The following PTPN9 variants were observed in gnomAD, a reference collection of about 807,000 sequenced individuals.
PTPN9 encodes the protein protein tyrosine phosphatase non-receptor type 9.
Under a neutral mutation model 69.8 loss-of-function variants are expected in PTPN9, and 26 were observed. That is an observed-to-expected ratio of 0.37 (90% confidence interval 0.27 to 0.52). The LOEUF (loss-of-function observed/expected upper bound fraction) is 0.52, where lower values mean the gene tolerates loss of function less well. PTPN9 is among the 20% of genes least tolerant of loss of function. PTPN9 has a pLI of 0.91. For missense variants in PTPN9, 549 were observed against 740.3 expected (o/e 0.74, Z 3.00); for synonymous variants, 274 against 272.5 (o/e 1.01, Z -0.05).
rs989723482 is a variant in PTPN9 at position 75,468,589 on chromosome 15, C to T, written c.*180G>A. The stretch of plus-strand genomic sequence containing the variant: ...CATTGCTACTGGCCCTTTCTAGTGG[C>T]AATTTCACCACATTTATCTAGCCAA... On this transcript the variant is annotated 3_prime_UTR_variant, in exon 13 of 13. Coordinates refer to ENST00000618819, the MANE Select transcript of PTPN9 (RefSeq NM_002833.4). The T allele has an allele frequency of 3.6e-6, 2 of 562,062 alleles. No individual in the cohort carries two copies. The highest frequency in any genetic ancestry group is 6.0e-5 in the Admixed American group (2 of 33,308). The allele number at this position is 562,062 out of a possible 1,614,324, so 34.8% of individuals were successfully genotyped here.
Position 75,470,774 on chromosome 15 carries a change from G to A in PTPN9, c.1265C>T (p.Ser422Phe), listed in dbSNP as rs979297605. The A allele has an allele frequency of 1.2e-6, 2 of 1,614,214 alleles. No individual in the cohort carries two copies. Among genetic ancestry groups the A allele is most frequent in the Admixed American group, 1.7e-5 (1 of 60,024 alleles). The change falls in exon 11 of 13, where the codon TCT becomes TTT. Residue 422 changes from serine to phenylalanine, a missense_variant. Physicochemically the swap from Ser to Phe is radical, Grantham distance 155. This residue lies in a region of PTPN9 where 457 missense variants were observed against 661.9 expected (regional missense o/e 0.69). Coordinates refer to ENST00000618819, the MANE Select transcript of PTPN9 (RefSeq NM_002833.4). Reference protein sequence around the residue: ...CGQYWPLEKDSRIRFGFLTVT... With the variant: ...CGQYWPLEKDFRIRFGFLTVT... Reference sequence around the variant, plus strand: ...TGTGAGGAAGCCAAATCGGATCCGAGAGTCTTTTTCTAAAGGCCAGTACTG... The same window carrying A: ...TGTGAGGAAGCCAAATCGGATCCGAAAGTCTTTTTCTAAAGGCCAGTACTG...
At chr15:75,538,656 C>A (rs943836519) in intron 1 of PTPN9, among the ~76,000 whole-genome samples, 5 of 151,866 alleles carry the variant, frequency 3.3e-5, no homozygotes, top group African/African-American at 1.2e-4. Context: ...CATGGCCCCC[C>A]AGCCTGGGTG....
chr15:75,562,617 G>T (rs2075108867), intron 1 of PTPN9, among the ~76,000 whole-genome samples: 1 of 151,976 alleles, frequency 6.6e-6, no homozygotes, highest in Non-Finnish European at 1.5e-5. Flanking sequence ...GGATCACGAG[G>T]TCAGGAGATC....
At chr15:75,507,271 C>T (rs2074824163) in intron 6 of PTPN9, among the ~76,000 whole-genome samples, 1 of 150,928 alleles carries the variant, frequency 6.6e-6, no homozygotes, top group Non-Finnish European at 1.5e-5. Flanking sequence ...TGGTGAAACC[C>T]CATCTCTACT....
At chr15:75,548,350 G>A (rs186006648) in intron 1 of PTPN9, among the ~76,000 whole-genome samples, 1 of 151,106 alleles carries the variant, frequency 6.6e-6, no homozygotes, top group African/African-American at 2.4e-5. Flanking sequence ...CCACCTCCCA[G>A]GTTCAAGCTA....
intron 1 of PTPN9, among the ~76,000 whole-genome samples, chr15:75,566,909 G>A (rs1012169344): frequency 6.6e-6 from 1 of 152,134 alleles, no homozygotes; most frequent in African/African-American, 2.4e-5. Flanking sequence ...AGCATCGCTT[G>A]AGCCTGGGAG....
At chr15:75,495,467 C>T (rs1056936517) in intron 7 of PTPN9, among the ~76,000 whole-genome samples, 2 of 152,202 alleles carry the variant, frequency 1.3e-5, no homozygotes, top group Non-Finnish European at 2.9e-5. Flanking sequence ...AATCCCAGCA[C>T]TTTGGGAGGC....
rs150594227 is a variant in PTPN9 at position 75,471,843 on chromosome 15, C to A, written c.1209-1013G>T. On this transcript the variant is annotated intron_variant, in intron 10 of 12. Coordinates refer to ENST00000618819, the MANE Select transcript of PTPN9 (RefSeq NM_002833.4). Reference sequence around the variant, plus strand: ...GGCAGAATAGCTTCAACCTGGGAGGCGGAGGTTGCAGTGAGCTGAGATCGC... The same window carrying A: ...GGCAGAATAGCTTCAACCTGGGAGGAGGAGGTTGCAGTGAGCTGAGATCGC... Among the ~76,000 whole-genome samples the A allele has an allele frequency of 3.3e-5, 5 of 151,208 alleles. No homozygotes were observed. The East Asian group carries it at 9.8e-4, about 30-fold the overall frequency.
chr15:75,538,174 C>A (rs947195992), intron 1 of PTPN9, among the ~76,000 whole-genome samples: 2 of 152,060 alleles, frequency 1.3e-5, no homozygotes, highest in Non-Finnish European at 2.9e-5. Flanking sequence ...ATCAGGAGAT[C>A]TATCAAAGCA....
chr15:75,478,597 C>G (rs976098404), intron 9 of PTPN9, among the ~76,000 whole-genome samples: 2 of 152,208 alleles, frequency 1.3e-5, no homozygotes, highest in Non-Finnish European at 1.5e-5. Context: ...TCCCTTTAAT[C>G]TAGAACAGTT....
At chr15:75,477,109 T>G (rs565029784) in intron 9 of PTPN9, among the ~76,000 whole-genome samples, 16 of 152,364 alleles carry the variant, frequency 1.1e-4, no homozygotes, top group African/African-American at 3.1e-4. Flanking sequence ...TAAAAACTTC[T>G]GAACCAAACA....
At chr15:75,530,279 G>A (rs1479868896) in intron 1 of PTPN9, among the ~76,000 whole-genome samples, 1 of 141,894 alleles carries the variant, frequency 7.0e-6, no homozygotes, top group Non-Finnish European at 1.5e-5. Flanking sequence ...GCTCATGCCT[G>A]TAATCCTAGC....
chr15:75,486,057 A>G lies in PTPN9; in HGVS notation c.1062+4151T>C, dbSNP rs1275163498. Among the ~76,000 whole-genome samples, 7 of 142,160 alleles carry G rather than the reference A, an allele frequency of 4.9e-5. No individual in the cohort carries two copies. In the East Asian group the frequency reaches 6.6e-4, roughly 13 times the overall value. The allele number at this position is 142,160 out of a possible 152,430, so 93.3% of individuals were successfully genotyped here. ...GGAGGTTGCAGTGAGCCGAGATCGC[A>G]CCACTGCACTCCAGCCTGGGCGACA... On this transcript the variant is annotated intron_variant, in intron 8 of 12. Transcript: ENST00000618819.
chr15:75,559,220 G>T lies in PTPN9; in HGVS notation c.63+19494C>A, dbSNP rs558366609. Reference sequence around the variant, plus strand: ...AGCCCCTCCGCCCGGCAGCCGCCCCGTCTAAGAAGTGAGGATCCCCTCTGC... The same window carrying T: ...AGCCCCTCCGCCCGGCAGCCGCCCCTTCTAAGAAGTGAGGATCCCCTCTGC... On this transcript the variant is annotated intron_variant, in intron 1 of 12. Coordinates refer to ENST00000618819, the MANE Select transcript of PTPN9 (RefSeq NM_002833.4). Among the ~76,000 whole-genome samples, 56 of 152,130 alleles carry T rather than the reference G, an allele frequency of 3.7e-4. 3 individuals are homozygous for T. The South Asian group carries it at 0.01, about 28-fold the overall frequency.
chr15:75,557,281 T>C (rs1004662265), intron 1 of PTPN9, among the ~76,000 whole-genome samples: 7 of 151,926 alleles, frequency 4.6e-5, no homozygotes, highest in African/African-American at 1.7e-4. Context: ...AAAAATTAGC[T>C]GGGTGTGGTA....
intron 1 of PTPN9, among the ~76,000 whole-genome samples, chr15:75,560,519 T>C (rs2075099910): frequency 6.6e-6 from 1 of 152,206 alleles, no homozygotes; most frequent in Admixed American, 6.5e-5. Context: ...AGTAACTCTT[T>C]TCCTTCATGA....
chr15:75,566,790 C>T (rs891154627), intron 1 of PTPN9, among the ~76,000 whole-genome samples: 2 of 151,960 alleles, frequency 1.3e-5, no homozygotes, highest in African/African-American at 4.8e-5. Flanking sequence ...GAATTTCAGA[C>T]CAGCCTGGGC....
At chr15:75,478,131 G>T (rs2074607214) in intron 9 of PTPN9, among the ~76,000 whole-genome samples, 1 of 150,718 alleles carries the variant, frequency 6.6e-6, no homozygotes, top group Admixed American at 6.6e-5. Flanking sequence ...GAACCACCAC[G>T]CCTGGCCGAT....
rs144567125 is a variant in PTPN9, at chr15:75,514,830, C to T, written c.528+2429G>A. Among the ~76,000 whole-genome samples, 949 of 151,990 alleles carry T rather than the reference C, an allele frequency of 6.2e-3. 8 individuals carry two copies. The highest frequency in any genetic ancestry group is 0.014 in the Middle Eastern group (4 of 294). On this transcript the variant is annotated intron_variant, in intron 5 of 12. Coordinates refer to ENST00000618819, the MANE Select transcript of PTPN9 (RefSeq NM_002833.4). ...TAGTTAATTTCACTAATAAAAGAAA[C>T]GCAAGCTATACCACAAGATACCATC...
Sources: allele counts gnomAD v4.1 joint callset (sites outside exome capture counted in the v4.1 genomes callset), GRCh38; gene constraint gnomAD v4.1.1; regional missense constraint gnomAD v4.1.1; transcripts MANE v1.5; gene names NCBI Gene and HGNC (gene_info 2026-07-23, HGNC 2026-07-21).